The following TBL3 variants were observed in gnomAD, a reference collection of about 807,000 sequenced individuals.
TBL3 encodes transducin beta like 3, also known as transducin beta-like protein 3.
In TBL3, 71 loss-of-function variants were observed where a neutral mutation model predicts 102.7. The observed-to-expected ratio is 0.69, with a 90% CI of 0.57 to 0.84. The LOEUF is 0.84. TBL3 is among the 40% of genes least tolerant of loss of function. The probability of loss-of-function intolerance (pLI) is 0.00; values close to 1 mark genes in which losing one functional copy is unlikely to be tolerated. For missense variants in TBL3, 1,188 were observed against 1,098.5 expected (o/e 1.08, Z -1.15); for synonymous variants, 578 against 477.7 (o/e 1.21, Z -2.74).
Position 1,980,329 on chromosome 16 carries a change from C to G in TBL3, c.*1644C>G, listed in dbSNP as rs765040534. On this transcript the variant is annotated 3_prime_UTR_variant, in exon 22 of 22. Transcript: ENST00000568546. ...ACCCTGGACCTCTCCCAGCTCCAAACGCCGCTGCATGCTGGGAGTTTGGGG... is the reference window on the plus strand; with the variant it reads ...ACCCTGGACCTCTCCCAGCTCCAAAGGCCGCTGCATGCTGGGAGTTTGGGG... 6.3e-7 allele frequency: 1 copy of G among 1,580,578 alleles called. No homozygotes were observed. The highest frequency in any genetic ancestry group is 1.3e-5 in the African/African-American group (1 of 74,328).
At chr16:1,975,743 G>A in intron 10 of TBL3, 33 bp downstream of exon 10, 1 of 1,612,936 alleles carries the variant, frequency 6.2e-7, no homozygotes, top group Non-Finnish European at 8.5e-7. Flanking sequence ...TCTGGAGGCT[G>A]CGGGCACCAG....
chr16:1,980,277 G>A lies in TBL3; in HGVS notation c.*1592G>A. The A allele has an allele frequency of 6.6e-7, 1 of 1,512,446 alleles. No individual in the cohort carries two copies. 93.7% of individuals were successfully genotyped at this position (1,512,446 alleles called of 1,614,324 possible). A position where few individuals can be genotyped will look rare whatever the true frequency, so the allele number is the denominator to read the frequency against. ...CAAGACCGCCAGCCTCCCACTCTCT[G>A]CCCCTATTCGCTGGCTGTTCCCCCC... On this transcript the variant is annotated 3_prime_UTR_variant, in exon 22 of 22. Transcript: ENST00000568546.
At chr16:1,978,526 C>T (rs1439319028) in intron 21 of TBL3, 26 bp from the exon 22 acceptor site, 7 of 1,593,858 alleles carry the variant, frequency 4.4e-6, no homozygotes. Flanking sequence ...GGACCACCCC[C>T]CTGACCTCCC....
At position 1,976,903 on chromosome 16, in the gene TBL3, C is replaced by A. The variant is rs780174876; in HGVS notation, c.1382C>A (p.Ala461Asp). The change falls in exon 14 of 22, where the codon GCC (alanine) becomes GAC (aspartate). Residue 461 changes from alanine (A) to aspartate (D), a missense_variant. Coordinates refer to ENST00000568546, the MANE Select transcript of TBL3 (RefSeq NM_006453.3). ...AAAGCCTTGCTGTCCAAGAACACAGCCCCAGACAACGGCCCTATCCTCCTG... is the reference window on the plus strand; with the variant it reads ...AAAGCCTTGCTGTCCAAGAACACAGACCCAGACAACGGCCCTATCCTCCTG... Reference protein sequence around the residue: ...LPKALLSKNTAPDNGPILLQA... With the variant: ...LPKALLSKNTDPDNGPILLQA... 31 of 1,613,868 alleles carry A rather than the reference C, an allele frequency of 1.9e-5. No homozygotes were observed. In the African/African-American group the frequency reaches 2.8e-4, roughly 15 times the overall value.
Position 1,978,620 on chromosome 16 carries a change from A to C in TBL3, c.2362A>C (p.Met788Leu). The change falls in exon 22 of 22, where the codon ATG becomes CTG. Residue 788 changes from methionine (M) to leucine (L), a missense_variant. Physicochemically the swap from Met to Leu is conservative, Grantham distance 15. Coordinates refer to ENST00000568546, the MANE Select transcript of TBL3 (RefSeq NM_006453.3). Reference sequence around the variant, plus strand: ...TTTCTTGGACTTCCTGTGGCACAACATGAAGCTCCCTGTGCCGGCCGCCGC... The same window carrying C: ...TTTCTTGGACTTCCTGTGGCACAACCTGAAGCTCCCTGTGCCGGCCGCCGC... The part of the protein sequence containing the change: ...AAFLDFLWHN[M>L]KLPVPAAAPT... 2 of 1,612,746 alleles carry C rather than the reference A, an allele frequency of 1.2e-6. No individual in the cohort carries two copies. The highest frequency in any genetic ancestry group is 8.5e-7 in the Non-Finnish European group (1 of 1,179,852).
At chr16:1,974,323 G>A (rs746478025) in intron 3 of TBL3, 31 bp downstream of exon 3, 3 of 1,584,910 alleles carry the variant, frequency 1.9e-6, no homozygotes, top group Non-Finnish European at 1.7e-6. Flanking sequence ...TGAGGGGCAA[G>A]TGGAGAGGGC....
chr16:1,973,753 C>A (rs1449534174), intron 1 of TBL3, among the ~76,000 whole-genome samples: 2 of 152,076 alleles, frequency 1.3e-5, no homozygotes, highest in Non-Finnish European at 2.9e-5. Context: ...AAGGAGCCCC[C>A]TGGCTCTCAC....
chr16:1,976,479 C>T (rs540717196), intron 13 of TBL3, among the ~76,000 whole-genome samples, 165 bp downstream of exon 13: 3 of 152,198 alleles, frequency 2.0e-5, no homozygotes, highest in Non-Finnish European at 2.9e-5. Context: ...CCCTAGGTGC[C>T]TCGGGGTCAG....
At chr16:1,974,446 G>A (rs2083382941) in intron 4 of TBL3, 23 bp downstream of exon 4, 8 of 1,598,582 alleles carry the variant, frequency 5.0e-6, no homozygotes, top group Non-Finnish European at 6.8e-6. Context: ...GGGCCTGGAG[G>A]GGACCCGCTC....
chr16:1,976,588 T>C (rs2083403738), intron 13 of TBL3, among the ~76,000 whole-genome samples: 1 of 152,288 alleles, frequency 6.6e-6, no homozygotes, highest in Admixed American at 6.5e-5. Context: ...GACCCCTGCA[T>C]GTAGGCACAG....
Position 1,980,298 on chromosome 16 carries a change from C to T in TBL3, c.*1613C>T, listed in dbSNP as rs1011668454. On this transcript the variant is annotated 3_prime_UTR_variant, in exon 22 of 22. Transcript: ENST00000568546. Reference sequence around the variant, plus strand: ...CTCTGCCCCTATTCGCTGGCTGTTCCCCCCCACCCTGGACCTCTCCCAGCT... The same window carrying T: ...CTCTGCCCCTATTCGCTGGCTGTTCTCCCCCACCCTGGACCTCTCCCAGCT... The T allele has an allele frequency of 3.3e-6, 5 of 1,532,498 alleles. No homozygotes were observed. The highest frequency in any genetic ancestry group is 3.8e-5 in the Admixed American group (2 of 53,058). 94.9% of individuals were successfully genotyped at this position (1,532,498 alleles called of 1,614,324 possible).
Position 1,979,504 on chromosome 16 carries a change from G to C in TBL3, c.*819G>C. On this transcript the variant is annotated 3_prime_UTR_variant, in exon 22 of 22. Transcript: ENST00000568546. ...GCGGGCACGGACAGCTCATCTGCGC[G>C]GCTGCTCTCGTAGGCGCGGGAAGCA... The C allele has an allele frequency of 6.2e-7, 1 of 1,611,778 alleles. No individual in the cohort carries two copies. The highest frequency in any genetic ancestry group is 1.1e-5 in the South Asian group (1 of 90,978).
chr16:1,975,132 T>C (rs2083389942), intron 7 of TBL3, 34 bp downstream of exon 7: 1 of 1,612,916 alleles, frequency 6.2e-7, no homozygotes, highest in South Asian at 1.1e-5. Context: ...GGGGGAGGCT[T>C]GGAAAGTGGG....
chr16:1,979,713 C>T lies in TBL3; in HGVS notation c.*1028C>T, dbSNP rs1467752398. 7.7e-7 allele frequency: 1 copy of T among 1,291,814 alleles called. No homozygotes were observed. The highest frequency in any genetic ancestry group is 2.5e-5 in the East Asian group (1 of 39,426). 80.0% of individuals were successfully genotyped at this position (1,291,814 alleles called of 1,614,324 possible). ...AAGCACGGGCTCCTGGCCCGCCCTG[C>T]CCGCGGTGCTTCTGGCCCAGTCTTG... On this transcript the variant is annotated 3_prime_UTR_variant, in exon 22 of 22. Transcript: ENST00000568546.
At position 1,979,541 on chromosome 16, in the gene TBL3, A is replaced by T. The variant is rs1034938088; in HGVS notation, c.*856A>T. On this transcript the variant is annotated 3_prime_UTR_variant, in exon 22 of 22. Coordinates refer to ENST00000568546, the MANE Select transcript of TBL3 (RefSeq NM_006453.3). ...AGGCGCGGGAAGCACAGAACTGGGG[A>T]CCTGGTGGGAGTGGGTGTTTGGAGT... The T allele has an allele frequency of 2.5e-6, 4 of 1,608,022 alleles. No homozygotes were observed. In the African/African-American group the frequency reaches 5.4e-5, roughly 22 times the overall value.
At position 1,977,346 on chromosome 16, in the gene TBL3, C is replaced by G; in HGVS notation, c.1672-10C>G. On this transcript the variant is annotated splice_polypyrimidine_tract_variant and intron_variant, in intron 15 of 21. Coordinates refer to ENST00000568546, the MANE Select transcript of TBL3 (RefSeq NM_006453.3). The stretch of plus-strand genomic sequence containing the variant: ...TGGTGACATCTCATGCCCTACCCCC[C>G]ACCTTGCAGACATTTGAGGGGCACG... The G allele has an allele frequency of 6.2e-7, 1 of 1,613,538 alleles. No individual in the cohort carries two copies. The highest frequency in any genetic ancestry group is 1.1e-5 in the South Asian group (1 of 91,084).
In TBL3 at chr16:1,974,211, C is replaced by T; in HGVS notation, c.108C>T (p.Gly36=). ...TCTGTCCCCAGCTGGACCAGACTGG[C>T]CAGCACCTCTTCTGCGTCTGTGGCA... ...KGGKAQLDQT[G]QHLFCVCGTR... Residue 36 remains glycine, a synonymous_variant, in exon 3 of 22, where the codon GGC becomes GGT. Transcript: ENST00000568546. 6.3e-7 allele frequency: 1 copy of T among 1,598,926 alleles called. No homozygotes were observed.
Position 1,979,724 on chromosome 16 carries a change from T to G in TBL3, c.*1039T>G, listed in dbSNP as rs1002841948. 45 of 1,331,692 alleles carry G rather than the reference T, an allele frequency of 3.4e-5. No homozygotes were observed. The highest frequency in any genetic ancestry group is 4.4e-5 in the African/African-American group (3 of 68,168). 82.5% of individuals were successfully genotyped at this position (1,331,692 alleles called of 1,614,324 possible). A position where few individuals can be genotyped will look rare whatever the true frequency, so the allele number is the denominator to read the frequency against. On this transcript the variant is annotated 3_prime_UTR_variant, in exon 22 of 22. Coordinates refer to ENST00000568546, the MANE Select transcript of TBL3 (RefSeq NM_006453.3). ...CCTGGCCCGCCCTGCCCGCGGTGCT[T>G]CTGGCCCAGTCTTGCCACACGGTCA...
In TBL3 at chr16:1,979,951, G is replaced by T; in HGVS notation, c.*1266G>T. The T allele has an allele frequency of 6.3e-7, 1 of 1,580,244 alleles. No individual in the cohort carries two copies. Among genetic ancestry groups the T allele is most frequent in the Non-Finnish European group, 8.6e-7 (1 of 1,163,120 alleles). ...GACTCAAATCTCGAGGCTCCCTCGGGTCCAGGAGCAGAGGAGCAAATCCCT... is the reference window on the plus strand; with the variant it reads ...GACTCAAATCTCGAGGCTCCCTCGGTTCCAGGAGCAGAGGAGCAAATCCCT... On this transcript the variant is annotated 3_prime_UTR_variant, in exon 22 of 22. Coordinates refer to ENST00000568546, the MANE Select transcript of TBL3 (RefSeq NM_006453.3).
Sources: allele counts gnomAD v4.1 joint callset (sites outside exome capture counted in the v4.1 genomes callset), GRCh38; gene constraint gnomAD v4.1.1; transcripts MANE v1.5; gene names NCBI Gene and HGNC (gene_info 2026-07-23, HGNC 2026-07-21).